Variants in DNAH2 observed in about 807,000 individuals in gnomAD.
DNAH2 encodes axonemal beta dynein heavy chain 2.
In DNAH2, 323 loss-of-function variants were observed where a neutral mutation model predicts 523.5. The ratio of observed to expected loss-of-function variants is 0.62; its 90% CI spans 0.56 to 0.68. The LOEUF (loss-of-function observed/expected upper bound fraction) is 0.68, where lower values mean the gene tolerates loss of function less well. Ranked by LOEUF, DNAH2 falls within the 30% of genes least tolerant of loss-of-function variation. The pLI is 0.00. For missense variants in DNAH2, 4,907 were observed against 5,701.5 expected (o/e 0.86, Z 4.49); for synonymous variants, 2,093 against 2,177.4 (o/e 0.96, Z 1.08).
Position 7,778,271 on chromosome 17 carries a change from A to C in DNAH2, c.5352-9A>C, listed in dbSNP as rs1372717992. 1 of 1,613,986 alleles carries C rather than the reference A, an allele frequency of 6.2e-7. No homozygotes were observed. The highest frequency in any genetic ancestry group is 2.2e-5 in the East Asian group (1 of 44,896). On this transcript the variant is annotated splice_polypyrimidine_tract_variant and intron_variant, in intron 34 of 85. Coordinates refer to ENST00000572933, the MANE Select transcript of DNAH2 (RefSeq NM_020877.5). ...GGAGTCTGACTCTAGTTCTGTCCTC[A>C]ATTCTCAGGTGTTACATGACACTGA...
chr17:7,775,306 C>T lies in DNAH2; in HGVS notation c.4785C>T (p.Asp1595=). ...GMFSGDGEYI[D]FLHSVFLEGP... ...TCTCGGGCGACGGCGAGTACATTGA[C>T]TTCCTCCACTCAGTATTTTTAGAAG... is the stretch of plus-strand genomic sequence containing the variant. Residue 1595 remains aspartate, a synonymous_variant, in exon 30 of 86, where the codon GAC becomes GAT. Coordinates refer to ENST00000572933, the MANE Select transcript of DNAH2 (RefSeq NM_020877.5). 6.2e-7 allele frequency: 1 copy of T among 1,613,294 alleles called. No homozygotes were observed. Among genetic ancestry groups the T allele is most frequent in the South Asian group, 1.1e-5 (1 of 90,814 alleles).
intron 72 of DNAH2, 56 bp downstream of exon 72, chr17:7,819,464 C>G: frequency 1.3e-6 from 2 of 1,590,932 alleles, no homozygotes. Context: ...TGTGGTTCTT[C>G]TGGCCACTGC....
At chr17:7,790,258 C>T (rs1302240737) in intron 44 of DNAH2, among the ~76,000 whole-genome samples, 1 of 152,232 alleles carries the variant, frequency 6.6e-6, no homozygotes, top group Non-Finnish European at 1.5e-5. Context: ...GAGATAGGGT[C>T]TCACTCTGTT....
At chr17:7,726,393 T>A (rs771013126) in intron 3 of DNAH2, among the ~76,000 whole-genome samples, 1 of 149,688 alleles carries the variant, frequency 6.7e-6, no homozygotes, top group Non-Finnish European at 1.5e-5. Flanking sequence ...AATCTCTGAC[T>A]CCTGGGTTCA....
intron 20 of DNAH2, among the ~76,000 whole-genome samples, chr17:7,764,530 G>A (rs1489332432): frequency 6.6e-6 from 1 of 150,776 alleles, no homozygotes; most frequent in Non-Finnish European, 1.5e-5. Context: ...GCACGATCTT[G>A]GCCTACTGCA....
intron 39 of DNAH2, among the ~76,000 whole-genome samples, chr17:7,783,523 C>G (rs892066918): frequency 5.3e-5 from 8 of 151,968 alleles, no homozygotes; most frequent in African/African-American, 1.7e-4. Context: ...AAAACAAAAA[C>G]AAAACCCTAA....
Position 7,823,994 on chromosome 17 carries a change from G to A in DNAH2, c.11478+12G>A, listed in dbSNP as rs747070711. The A allele has an allele frequency of 5.0e-6, 8 of 1,609,398 alleles. No homozygotes were observed. The highest frequency in any genetic ancestry group is 2.2e-5 in the East Asian group (1 of 44,828). ...TGAATATGAAGTCGGTCGGTGGCTC[G>A]GCTTCCTTGTCCCCACGGCCCATGG... On this transcript the variant is annotated intron_variant, in intron 75 of 85. Coordinates refer to ENST00000572933, the MANE Select transcript of DNAH2 (RefSeq NM_020877.5).
At chr17:7,770,731 A>G in intron 26 of DNAH2, 22 bp from the exon 27 acceptor site, 1 of 1,614,028 alleles carries the variant, frequency 6.2e-7, no homozygotes, top group South Asian at 1.1e-5. Context: ...ATGAACTATG[A>G]TTTTGACCCC....
chr17:7,761,893 C>A (rs1263351144), intron 18 of DNAH2, among the ~76,000 whole-genome samples: 21 of 150,706 alleles, frequency 1.4e-4, no homozygotes, highest in African/African-American at 4.9e-4. Flanking sequence ...ATTGTATGGG[C>A]CATGAGGAGT....
intron 76 of DNAH2, 63 bp downstream of exon 76, chr17:7,824,367 A>G (rs372228260): frequency 2.0e-6 from 3 of 1,475,398 alleles, no homozygotes; most frequent in African/African-American, 1.4e-5. Flanking sequence ...AGAACCTCCA[A>G]CCTCAATTAC....
Position 7,774,800 on chromosome 17 carries a change from G to A in DNAH2, c.4543G>A (p.Asp1515Asn), listed in dbSNP as rs760917536. Residue 1515 changes from aspartate (D) to asparagine (N), a missense_variant, in exon 29 of 86, where the codon GAT (aspartate) becomes AAT (asparagine). Physicochemically the swap from Asp to Asn is conservative, Grantham distance 23 (BLOSUM62 1). Transcript: ENST00000572933. Reference protein sequence around the residue: ...TLIEMNTILEDIQKSLDMYLE... With the variant: ...TLIEMNTILENIQKSLDMYLE... The stretch of plus-strand genomic sequence containing the variant: ...GATAGAAATGAATACAATCCTGGAA[G>A]ATATTCAGAAATCTCTGGATATGTA... The A allele has an allele frequency of 7.4e-6, 12 of 1,614,204 alleles. No homozygotes were observed. In the South Asian group the frequency reaches 9.9e-5, roughly 13 times the overall value.
intron 12 of DNAH2, among the ~76,000 whole-genome samples, chr17:7,752,111 T>G (rs2075700756): frequency 6.8e-6 from 1 of 147,034 alleles, no homozygotes; most frequent in Non-Finnish European, 1.5e-5. Flanking sequence ...GCCAACAGTG[T>G]TTTTTCTTTC....
At chr17:7,734,103 C>A in intron 5 of DNAH2, 80 bp from the exon 6 acceptor site, 7 of 1,245,700 alleles carry the variant, frequency 5.6e-6, no homozygotes, top group East Asian at 2.6e-5. Flanking sequence ...TGGTCCCCTA[C>A]CGATCATCAA....
chr17:7,824,203 T>C lies in DNAH2; in HGVS notation c.11561T>C (p.Leu3854Pro). The C allele has an allele frequency of 2.5e-6, 4 of 1,606,976 alleles. No homozygotes were observed. The highest frequency in any genetic ancestry group is 1.3e-5 in the African/African-American group (1 of 74,934). ...GVDPTSALLQ[L>P]AEHMGMAQRF... ...GACCCCACCAGTGCCCTGCTGCAGCTGGCAGAGCACATGGGCATGGCCCAG... is the reference window on the plus strand; with the variant it reads ...GACCCCACCAGTGCCCTGCTGCAGCCGGCAGAGCACATGGGCATGGCCCAG... Residue 3854 changes from leucine to proline, a missense_variant, in exon 76 of 86, where the codon CTG (leucine) becomes CCG (proline). Physicochemically the swap from Leu to Pro is moderately conservative, Grantham distance 98 (BLOSUM62 -3). Around this residue, in one of 3 missense-constraint regions of DNAH2, gnomAD observed 1,851 missense variants for 2,139.4 expected, o/e 0.87. Transcript: ENST00000572933.
chr17:7,765,433 T>A lies in DNAH2; in HGVS notation c.3379T>A (p.Phe1127Ile), dbSNP rs758378623. The A allele has an allele frequency of 1.1e-5, 18 of 1,614,194 alleles. No individual in the cohort carries two copies. Among genetic ancestry groups the A allele is most frequent in the Non-Finnish European group, 1.5e-5 (18 of 1,180,014 alleles). The change falls in exon 21 of 86, where the codon TTC (phenylalanine) becomes ATC (isoleucine). Residue 1127 changes from phenylalanine to isoleucine, a missense_variant. By Grantham distance (21) the Phe-to-Ile change is conservative. Transcript: ENST00000572933. ...LDSLNGEWVVFQQTLLDSKQM... is the reference protein window; with the variant it reads ...LDSLNGEWVVIQQTLLDSKQM... ...CAGTCTCAACGGGGAGTGGGTTGTCTTCCAACAAACTCTGCTGGACAGTAA... is the reference window on the plus strand; with the variant it reads ...CAGTCTCAACGGGGAGTGGGTTGTCATCCAACAAACTCTGCTGGACAGTAA...
At chr17:7,751,366 T>G (rs1316137405) in intron 12 of DNAH2, among the ~76,000 whole-genome samples, 1 of 152,198 alleles carries the variant, frequency 6.6e-6, no homozygotes, top group Non-Finnish European at 1.5e-5. Context: ...ATGCTGAACT[T>G]ACAGGCATGA....
At chr17:7,833,289 T>C (rs2078244817) in intron 85 of DNAH2, 68 bp downstream of exon 85, 2 of 1,606,958 alleles carry the variant, frequency 1.2e-6, no homozygotes, top group Admixed American at 1.7e-5. Flanking sequence ...CATTCTCTGC[T>C]CCAGCCCATC....
chr17:7,769,407 T>C (rs1351022646), intron 24 of DNAH2, among the ~76,000 whole-genome samples: 1 of 152,128 alleles, frequency 6.6e-6, no homozygotes, highest in Non-Finnish European at 1.5e-5. Flanking sequence ...AGTGATCCGC[T>C]CGCCTTGGCC....
rs1005515013 is a variant in DNAH2 at position 7,786,401 on chromosome 17, G to C, written c.6348+59G>C. 2 of 1,570,442 alleles carry C rather than the reference G, an allele frequency of 1.3e-6. No individual in the cohort carries two copies. Among genetic ancestry groups the C allele is most frequent in the Non-Finnish European group, 1.7e-6 (2 of 1,157,516 alleles). ...AGACTTGAGTAGTAAGAAGACAATGGAGGGTGGGGGCCAGGGAGGACCTTG... is the reference window on the plus strand; with the variant it reads ...AGACTTGAGTAGTAAGAAGACAATGCAGGGTGGGGGCCAGGGAGGACCTTG... On this transcript the variant is annotated intron_variant, in intron 40 of 85. Transcript: ENST00000572933. This position sits in a 1 kb window ranked among gnomAD's most constrained non-coding sequence, Gnocchi z 7.5.
Sources: allele counts gnomAD v4.1 joint callset (sites outside exome capture counted in the v4.1 genomes callset), GRCh38; gene constraint gnomAD v4.1.1; regional missense constraint gnomAD v4.1.1; non-coding constraint Gnocchi (gnomAD v3.1); transcripts MANE v1.5; gene names NCBI Gene and HGNC (gene_info 2026-07-23, HGNC 2026-07-21).